OBSL1: variants seen among roughly 807,000 people sequenced by gnomAD.
OBSL1 encodes obscurin like cytoskeletal adaptor 1.
Under a neutral mutation model 172.0 loss-of-function variants are expected in OBSL1, and 160 were observed. The observed-to-expected ratio is 0.93, with a 90% CI of 0.82 to 1.06. The LOEUF (loss-of-function observed/expected upper bound fraction) is 1.06, where lower values mean the gene tolerates loss of function less well. Among genes scored for constraint, OBSL1 ranks in the 50% least tolerant of loss-of-function variants. OBSL1 has a pLI of 0.00. For missense variants in OBSL1, 2,681 were observed against 2,715.4 expected (o/e 0.99, Z 0.28); for synonymous variants, 1,200 against 1,196.3 (o/e 1.00, Z -0.06).
In OBSL1 at chr2:219,568,381, G is replaced by A; in HGVS notation, c.1013-57C>T. On this transcript the variant is annotated intron_variant, in intron 1 of 20. Transcript: ENST00000404537. This position sits in a 1 kb window ranked among gnomAD's most constrained non-coding sequence, Gnocchi z 4.1. Reference sequence around the variant, plus strand: ...GCTCTGGAGAAGGCCCAGACTAGGAGTAGGATACCTAGAAGCGCATTAGCT... The same window carrying A: ...GCTCTGGAGAAGGCCCAGACTAGGAATAGGATACCTAGAAGCGCATTAGCT... 1 of 1,500,916 alleles carries A rather than the reference G, an allele frequency of 6.7e-7. No homozygotes were observed. Among genetic ancestry groups the A allele is most frequent in the Non-Finnish European group, 9.0e-7 (1 of 1,114,052 alleles). 93.0% of individuals were successfully genotyped at this position (1,500,916 alleles called of 1,614,324 possible). A position where few individuals can be genotyped will look rare whatever the true frequency, so the allele number is the denominator to read the frequency against.
Position 219,570,251 on chromosome 2 carries a change from T to C in OBSL1, c.982A>G (p.Thr328Ala), listed in dbSNP as rs759218624. The change falls in exon 1 of 21, where the codon ACG (threonine) becomes GCG (alanine). Residue 328 changes from threonine (T) to alanine (A), a missense_variant. Physicochemically the swap from Thr to Ala is moderately conservative, Grantham distance 58. Transcript: ENST00000404537. ...VCAARNSAGQ[T>A]LSAVQLHVKE... The stretch of plus-strand genomic sequence containing the variant: ...ACGTGCAGCTGCACGGCACTGAGCG[T>C]CTGGCCCGCCGAGTTGCGCGCGGCG... The C allele has an allele frequency of 6.3e-6, 10 of 1,585,518 alleles. No homozygotes were observed. Among genetic ancestry groups the C allele is most frequent in the South Asian group, 2.3e-5 (2 of 86,598 alleles).
rs143411178 is a variant in OBSL1 at position 219,562,989 on chromosome 2, G to A, written c.2681-315C>T. 1,022 of 485,774 alleles carry A rather than the reference G, an allele frequency of 2.1e-3. 6 individuals carry two copies. The highest frequency in any genetic ancestry group is 2.7e-3 in the Non-Finnish European group (733 of 274,044). 30.1% of individuals were successfully genotyped at this position (485,774 alleles called of 1,614,324 possible). A position where few individuals can be genotyped will look rare whatever the true frequency, so the allele number is the denominator to read the frequency against. ...GAAGGGTGGAACTGATGAGAGGAGGGTTGGGGGGAGGAGCTGGGGGTCTCC... is the reference window on the plus strand; with the variant it reads ...GAAGGGTGGAACTGATGAGAGGAGGATTGGGGGGAGGAGCTGGGGGTCTCC... On this transcript the variant is annotated intron_variant, in intron 7 of 20. Coordinates refer to ENST00000404537, the MANE Select transcript of OBSL1 (RefSeq NM_015311.3).
chr2:219,563,640 C>T lies in OBSL1; in HGVS notation c.2408-13G>A. The T allele has an allele frequency of 6.2e-7, 1 of 1,606,912 alleles. No individual in the cohort carries two copies. The highest frequency in any genetic ancestry group is 8.5e-7 in the Non-Finnish European group (1 of 1,175,210). On this transcript the variant is annotated splice_polypyrimidine_tract_variant and intron_variant, in intron 6 of 20. Transcript: ENST00000404537. Reference sequence around the variant, plus strand: ...TGCACGGGAGGATCTGGGTGGGAAGCAGAGATGGCATTGCACAGACACCCC... The same window carrying T: ...TGCACGGGAGGATCTGGGTGGGAAGTAGAGATGGCATTGCACAGACACCCC...
rs557696187 is a variant in OBSL1 at position 219,552,645 on chromosome 2, G to A, written c.5199C>T (p.Gly1733=). The change falls in exon 18 of 21, where the codon GGC becomes GGT. Residue 1733 remains glycine, a synonymous_variant. Transcript: ENST00000404537. The stretch of plus-strand genomic sequence containing the variant: ...CGGTGCACTCGAACGTAGCGCCGTC[G>A]CCTTCGCGGGCGCTCACCGACCGCA... ...SELRSVSARE[G]DGATFECTVS... is the part of the protein sequence containing the mutation. 4.5e-6 allele frequency: 7 copies of A among 1,548,010 alleles called. No individual in the cohort carries two copies. The South Asian group carries it at 7.0e-5, about 16-fold the overall frequency.
intron 14 of OBSL1, chr2:219,555,681 G>GT: frequency 2.7e-6 from 3 of 1,124,114 alleles, no homozygotes; most frequent in Non-Finnish European, 3.3e-6. Context: ...GTGGGGTGCT[G>GT]TTTGACAGCC....
In OBSL1 at chr2:219,551,257, A is replaced by G. The variant is rs995736909; in HGVS notation, c.5683+272T>C. ...ACAGGGCTGTTCAAGAGAGACAAACATGGTCCAGTGGCAGGAGAGAGGAGA... is the reference window on the plus strand; with the variant it reads ...ACAGGGCTGTTCAAGAGAGACAAACGTGGTCCAGTGGCAGGAGAGAGGAGA... On this transcript the variant is annotated intron_variant, in intron 20 of 20. Coordinates refer to ENST00000404537, the MANE Select transcript of OBSL1 (RefSeq NM_015311.3). 19 of 1,397,278 alleles carry G rather than the reference A, an allele frequency of 1.4e-5. No homozygotes were observed. In the African/African-American group the frequency reaches 1.9e-4, roughly 14 times the overall value. 86.6% of individuals were successfully genotyped at this position (1,397,278 alleles called of 1,614,324 possible).
In OBSL1 at chr2:219,559,463, C is replaced by G. The variant is rs764176516; in HGVS notation, c.2988G>C (p.Glu996Asp). ...PPVRIIYPRD[E>D]VTLIAVTLEC... ...CCAAGGTCACGGCGATCAAGGTCAC[C>G]TCATCGCGAGGGTATATGATCCGCA... The change falls in exon 9 of 21, where the codon GAG becomes GAC. Residue 996 changes from glutamate to aspartate, a missense_variant. Transcript: ENST00000404537. 1.9e-6 allele frequency: 3 copies of G among 1,613,850 alleles called. No homozygotes were observed. Among genetic ancestry groups the G allele is most frequent in the Non-Finnish European group, 2.5e-6 (3 of 1,179,836 alleles).
chr2:219,568,263 G>A lies in OBSL1; in HGVS notation c.1074C>T (p.Ala358=), dbSNP rs764705909. 2.4e-5 allele frequency: 39 copies of A among 1,611,920 alleles called. 1 individual carries two copies. The highest frequency in any genetic ancestry group is 2.0e-4 in the East Asian group (9 of 44,832). The part of the protein sequence containing the change: ...QDVEGREHGI[A]VLECKVPNSR... ...AGTTGGGTACTTTACATTCCAGCAC[G>A]GCAATCCCGTGCTCACGGCCCTCCA... Residue 358 remains alanine (A), a synonymous_variant, in exon 2 of 21, where the codon GCC becomes GCT. Coordinates refer to ENST00000404537, the MANE Select transcript of OBSL1 (RefSeq NM_015311.3). The surrounding 1 kb of genome is among the most constrained non-coding windows in gnomAD (Gnocchi z 4.1).
At chr2:219,548,787 CTGCCG>C (rs1276333330), downstream of OBSL1, among the ~76,000 whole-genome samples, 2 of 152,144 alleles carry the variant, frequency 1.3e-5, no homozygotes, top group African/African-American at 4.8e-5. Flanking sequence ...GCTCATTCTG[CTGCCG>C]AGTGTAGAAA....
Position 219,556,249 on chromosome 2 carries a change from T to G in OBSL1, c.4380A>C (p.Ala1460=). 1 of 1,597,820 alleles carries G rather than the reference T, an allele frequency of 6.3e-7. No individual in the cohort carries two copies. The highest frequency in any genetic ancestry group is 8.6e-7 in the Non-Finnish European group (1 of 1,168,478). The change falls in exon 14 of 21, where the codon GCA becomes GCC. Residue 1460 remains alanine (A), a synonymous_variant. Transcript: ENST00000404537. ...CGAGACACACATCCTGGCCTTCCTC[T>G]GCCCGCACATCCTGCAACCGCCGTA... ...LFLRRLQDVR[A]EEGQDVCLEV...
At position 219,556,558 on chromosome 2, in the gene OBSL1, C is replaced by T. The variant is rs1574532938; in HGVS notation, c.4232G>A (p.Gly1411Asp). Residue 1411 changes from glycine to aspartate, a missense_variant, in exon 13 of 21, where the codon GGT (glycine) becomes GAT (aspartate). Gly to Asp is a moderately conservative substitution (Grantham distance 94). Transcript: ENST00000404537. ...TCGCAAGGTTAAGATGCGGCTTGAA[C>T]CATTCTGGGCCATCTCCACCTGGGG... The part of the protein sequence containing the change: ...PGPQVEMAQN[G>D]SSRILTLRGC... The T allele has an allele frequency of 2.5e-6, 4 of 1,613,960 alleles. No homozygotes were observed. The highest frequency in any genetic ancestry group is 3.4e-6 in the Non-Finnish European group (4 of 1,179,900).
At position 219,562,651 on chromosome 2, in the gene OBSL1, G is replaced by T; in HGVS notation, c.2704C>A (p.Pro902Thr). 2 of 1,562,254 alleles carry T rather than the reference G, an allele frequency of 1.3e-6. No individual in the cohort carries two copies. Among genetic ancestry groups the T allele is most frequent in the Middle Eastern group, 3.3e-4 (2 of 6,002 alleles). ...GCTGCCACATACACCTTGCCGCTGGGATACACGATCCACGAGGAGACGTCT... is the reference window on the plus strand; with the variant it reads ...GCTGCCACATACACCTTGCCGCTGGTATACACGATCCACGAGGAGACGTCT... ...ITDVSSWIVY[P>T]SGKVYVAAVR... Residue 902 changes from proline to threonine, a missense_variant, in exon 8 of 21, where the codon CCC becomes ACC. Pro to Thr is a conservative substitution (Grantham distance 38). Around this residue, in one of 5 missense-constraint regions of OBSL1, gnomAD observed 1,765 missense variants for 1,748.3 expected, o/e 1.01. Transcript: ENST00000404537.
In OBSL1 at chr2:219,566,826, CAACCT is replaced by C; in HGVS notation, c.2133_2134+3del. The C allele has an allele frequency of 6.4e-7, 1 of 1,567,004 alleles. No individual in the cohort carries two copies. On this transcript the variant is annotated splice_donor_variant and splice_donor_region_variant and coding_sequence_variant and intron_variant, in exon 5 of 21. Coordinates refer to ENST00000404537, the MANE Select transcript of OBSL1 (RefSeq NM_015311.3). LOFTEE classifies it high-confidence loss of function. ...TGCCCACTCAGGTCCCCACTGGCAC[CAACCT>C]TGGATTGTGAGGGCAGCTGAGTCCT...
At chr2:219,552,425 G>A in intron 18 of OBSL1, 111 bp downstream of exon 18, 2 of 1,153,622 alleles carry the variant, frequency 1.7e-6, no homozygotes, top group Non-Finnish European at 2.4e-6. Context: ...TCACAGGGCC[G>A]TGGGGCGGGG....
In OBSL1 at chr2:219,554,827, AC is replaced by A. The variant is rs1231568986; in HGVS notation, c.4610-88del. ...CAATCCTCATCCCTTGGCCCTGCCTACACCCCTGAACACCCAACCTAAGGTC... is the reference window on the plus strand; with the variant it reads ...CAATCCTCATCCCTTGGCCCTGCCTAACCCCTGAACACCCAACCTAAGGTC... On this transcript the variant is annotated intron_variant, in intron 14 of 20. Transcript: ENST00000404537. The A allele has an allele frequency of 1.6e-4, 220 of 1,400,612 alleles. 1 individual carries two copies. The South Asian group carries it at 2.6e-3, about 17-fold the overall frequency. The allele number at this position is 1,400,612 out of a possible 1,614,324, so 86.8% of individuals were successfully genotyped here.
At position 219,567,477 on chromosome 2, in the gene OBSL1, G is replaced by A; in HGVS notation, c.1633C>T (p.Pro545Ser). The A allele has an allele frequency of 6.2e-7, 1 of 1,613,618 alleles. No individual in the cohort carries two copies. Among genetic ancestry groups the A allele is most frequent in the Non-Finnish European group, 8.5e-7 (1 of 1,179,758 alleles). Residue 545 changes from proline (P) to serine (S), a missense_variant, in exon 4 of 21, where the codon CCC becomes TCC. By Grantham distance (74) the Pro-to-Ser change is moderately conservative. Around this residue, in one of 5 missense-constraint regions of OBSL1, gnomAD observed 706 missense variants for 695.8 expected, o/e 1.01. Coordinates refer to ENST00000404537, the MANE Select transcript of OBSL1 (RefSeq NM_015311.3). ...LLTWKPPEPA[P>S]ETPFIYRLER... ...AGCCGGTAGATGAATGGGGTCTCGGGAGCTGGCTCGGGAGGCTTCCAGGTC... is the reference window on the plus strand; with the variant it reads ...AGCCGGTAGATGAATGGGGTCTCGGAAGCTGGCTCGGGAGGCTTCCAGGTC...
rs1298030565 is a variant in OBSL1 at position 219,568,121 on chromosome 2, C to T, written c.1216G>A (p.Asp406Asn). 19 of 1,613,726 alleles carry T rather than the reference C, an allele frequency of 1.2e-5. No homozygotes were observed. Among genetic ancestry groups the T allele is most frequent in the East Asian group, 1.1e-4 (5 of 44,898 alleles). The change falls in exon 2 of 21, where the codon GAT (aspartate) becomes AAT (asparagine). Residue 406 changes from aspartate to asparagine, a missense_variant. Around this residue, in one of 5 missense-constraint regions of OBSL1, gnomAD observed 706 missense variants for 695.8 expected, o/e 1.01. Coordinates refer to ENST00000404537, the MANE Select transcript of OBSL1 (RefSeq NM_015311.3). This position sits in a 1 kb window ranked among gnomAD's most constrained non-coding sequence, Gnocchi z 4.1. Reference protein sequence around the residue: ...RLIIHRLKADDDGIYLCEMRG... With the variant: ...RLIIHRLKADNDGIYLCEMRG... ...ATCTCGCACAGGTAGATACCATCAT[C>T]GTCTGCCTTCAGCCTGTGGATGATG...
chr2:219,571,228 T>C lies in OBSL1; in HGVS notation c.5A>G (p.Lys2Arg). 4.6e-6 allele frequency: 6 copies of C among 1,317,808 alleles called. No homozygotes were observed. The highest frequency in any genetic ancestry group is 5.8e-6 in the Non-Finnish European group (6 of 1,027,354). The allele number at this position is 1,317,808 out of a possible 1,614,324, so 81.6% of individuals were successfully genotyped here. The change falls in exon 1 of 21, where the codon AAG (lysine) becomes AGG (arginine). Residue 2 changes from lysine (K) to arginine (R), a missense_variant. Coordinates refer to ENST00000404537, the MANE Select transcript of OBSL1 (RefSeq NM_015311.3). ...GCTCCCCTGATCCCCCGAGCTCGCC[T>C]TCATCGCGGCGGCCGACCGCCTGCA... MKASSGDQGSPP... is the reference protein window; with the variant it reads MRASSGDQGSPP...
downstream of OBSL1, chr2:219,550,278 CT>C: frequency 5.3e-6 from 1 of 188,440 alleles, no homozygotes; most frequent in Non-Finnish European, 1.1e-5. Flanking sequence ...GAGGGGCTAC[CT>C]TCCTTCCCAT....
Sources: gnomAD v4.1 joint callset for allele counts (sites outside exome capture counted in the v4.1 genomes callset) on GRCh38, gnomAD v4.1.1 for gene constraint, gnomAD v4.1.1 regional missense constraint, Gnocchi (gnomAD v3.1) non-coding constraint, MANE v1.5 for transcripts, NCBI Gene and HGNC (gene_info 2026-07-23, HGNC 2026-07-21) for gene names.